The following KMT2C variants were observed in gnomAD, a reference collection of about 807,000 sequenced individuals.
The protein encoded by KMT2C is histone-lysine N-methyltransferase 2C.
In KMT2C, 88 loss-of-function variants were observed where a neutral mutation model predicts 507.9. That is an observed-to-expected ratio of 0.17 (90% CI 0.15 to 0.21). The LOEUF is 0.21. KMT2C is among the 10% of genes least tolerant of loss of function. The pLI, the probability that KMT2C is intolerant of heterozygous loss-of-function variation, is 1.00. For synonymous variants in KMT2C, 2,049 were observed against 2,080.8 expected (o/e 0.98, Z 0.42); for missense variants, 4,954 against 5,957.8 (o/e 0.83, Z 5.55).
At chr7:152,434,529 T>A (rs2097897529) in intron 1 of KMT2C, among the ~76,000 whole-genome samples, 1 of 152,176 alleles carries the variant, frequency 6.6e-6, no homozygotes, top group Non-Finnish European at 1.5e-5. Context: ...TCCATAAACG[T>A]GCTGGCTTCC....
At chr7:152,328,877 T>C (rs904988513) in intron 3 of KMT2C, among the ~76,000 whole-genome samples, 17 of 152,218 alleles carry the variant, frequency 1.1e-4, no homozygotes, top group East Asian at 7.7e-4. Context: ...GCATTATTTA[T>C]TGAAATGAGG....
intron 1 of KMT2C, among the ~76,000 whole-genome samples, chr7:152,425,034 G>C (rs935220289): frequency 2.0e-5 from 3 of 152,202 alleles, no homozygotes; most frequent in African/African-American, 7.2e-5. Context: ...GAGATACAAA[G>C]AGAGATGACT....
At chr7:152,315,473 G>A in intron 3 of KMT2C, 135 bp from the exon 4 acceptor site, 1 of 623,924 alleles carries the variant, frequency 1.6e-6, no homozygotes. Context: ...ATTTTCTACA[G>A]TCTATTCAGT....
Position 152,252,194 on chromosome 7 carries a change from G to A in KMT2C, c.1470-104C>T, listed in dbSNP as rs151219358. The A allele has an allele frequency of 4.6e-4, 377 of 812,266 alleles. 2 individuals are homozygous for A. In the African/African-American group the frequency reaches 5.8e-3, roughly 12 times the overall value. 50.3% of individuals were successfully genotyped at this position (812,266 alleles called of 1,614,324 possible). On this transcript the variant is annotated intron_variant, in intron 10 of 58. Transcript: ENST00000262189. ...GCTGGATATGAAAACAGTTAATTAAGTATGAGAGGAGAGAGGTTAGAGGAG... is the reference window on the plus strand; with the variant it reads ...GCTGGATATGAAAACAGTTAATTAAATATGAGAGGAGAGAGGTTAGAGGAG...
At chr7:152,232,441 T>C (rs1207097117) in intron 16 of KMT2C, among the ~76,000 whole-genome samples, 5 of 152,204 alleles carry the variant, frequency 3.3e-5, no homozygotes, top group African/African-American at 1.2e-4. Flanking sequence ...GGTATAGCAC[T>C]ATAATATAAA....
intron 58 of KMT2C, chr7:152,137,231 G>A: frequency 4.0e-6 from 1 of 252,594 alleles, no homozygotes; most frequent in Non-Finnish European, 7.7e-6. Context: ...GGACTGGAAG[G>A]GCAACTGCTT....
In KMT2C at chr7:152,222,580, C is replaced by T. The variant is rs199960676; in HGVS notation, c.3426G>A (p.Ala1142=). 409 of 1,557,750 alleles carry T rather than the reference C, an allele frequency of 2.6e-4. No individual in the cohort carries two copies. The highest frequency in any genetic ancestry group is 5.7e-4 in the Admixed American group (34 of 59,852). ...DCSMCRPYMP[A]SNVPSSDCCE... is the part of the protein sequence containing the mutation. Reference sequence around the variant, plus strand: ...TTTAAATTATTCTCTTACCATTAGACGCAGGCATATAGGGTCTGCACATGC... The same window carrying T: ...TTTAAATTATTCTCTTACCATTAGATGCAGGCATATAGGGTCTGCACATGC... Residue 1142 remains alanine (A), a synonymous_variant, in exon 21 of 59, where the codon GCG becomes GCA. Transcript: ENST00000262189.
intron 6 of KMT2C, among the ~76,000 whole-genome samples, chr7:152,308,669 C>G (rs1340248919): frequency 6.1e-5 from 6 of 99,076 alleles, no homozygotes; most frequent in African/African-American, 3.4e-4. Context: ...AGCAAAACTC[C>G]TCTCAAAAAA....
At chr7:152,396,641 T>C (rs1257037856) in intron 1 of KMT2C, among the ~76,000 whole-genome samples, 1 of 152,214 alleles carries the variant, frequency 6.6e-6, no homozygotes, top group Non-Finnish European at 1.5e-5. Flanking sequence ...CTGATTTTCA[T>C]TCTAGGAACA....
At chr7:152,424,944 TGCTC>T (rs1345280153) in intron 1 of KMT2C, among the ~76,000 whole-genome samples, 2 of 152,150 alleles carry the variant, frequency 1.3e-5, no homozygotes, top group East Asian at 3.9e-4. Context: ...CTGCCTGACA[TGCTC>T]AAGGCTTGTA....
Position 152,194,066 on chromosome 7 carries a change from G to A in KMT2C, c.4603C>T (p.Pro1535Ser), listed in dbSNP as rs780690446. Residue 1535 changes from proline (P) to serine (S), a missense_variant, in exon 31 of 59, where the codon CCA becomes TCA. Transcript: ENST00000262189. ...GGGGGAGGCTGTGGCAATGGAGTTGGCTGAGTGTTCGCAGGACTAAGTACA... is the reference window on the plus strand; with the variant it reads ...GGGGGAGGCTGTGGCAATGGAGTTGACTGAGTGTTCGCAGGACTAAGTACA... ...TAVLSPANTQ[P>S]TPLPQPPPPT... 1.3e-6 allele frequency: 2 copies of A among 1,593,784 alleles called. No individual in the cohort carries two copies. Among genetic ancestry groups the A allele is most frequent in the Non-Finnish European group, 1.7e-6 (2 of 1,173,472 alleles).
chr7:152,372,790 G>A lies in KMT2C; in HGVS notation c.162-14115C>T, dbSNP rs573874726. 1.8e-4 allele frequency among the ~76,000 whole-genome samples: 27 copies of A among 152,172 alleles called. 3 individuals carry two copies. Among genetic ancestry groups the A allele is most frequent in the African/African-American group, 4.3e-4 (18 of 41,510 alleles). The stretch of plus-strand genomic sequence containing the variant: ...TGGGGAACTTAAATACCCCACTTTC[G>A]ACAACGGATAAATAATCCAGACAAA... On this transcript the variant is annotated intron_variant, in intron 1 of 58. Coordinates refer to ENST00000262189, the MANE Select transcript of KMT2C (RefSeq NM_170606.3).
At chr7:152,307,345 GGAGGGAGGGAAGGAGAGAGGGAGA>G (rs1220384527) in intron 6 of KMT2C, among the ~76,000 whole-genome samples, 1 of 145,964 alleles carries the variant, frequency 6.9e-6, no homozygotes, top group South Asian at 2.3e-4. Context: ...AGGGAGGGAG[GGAGGGAGGGAAGGAGAGAGGGAGA>G]GAGGGAGGGA....
intron 36 of KMT2C, 30 bp downstream of exon 36, chr7:152,180,681 T>A (rs201832557): frequency 1.3e-6 from 2 of 1,500,198 alleles, no homozygotes; most frequent in South Asian, 2.5e-5. Context: ...AAATAATACA[T>A]TTAAAACTGA....
intron 31 of KMT2C, among the ~76,000 whole-genome samples, chr7:152,188,403 G>C (rs1231791734): frequency 2.0e-5 from 3 of 152,006 alleles, no homozygotes; most frequent in Admixed American, 2.0e-4. Flanking sequence ...GATAATGTAT[G>C]TACAGCTCTA....
rs539333505 is a variant in KMT2C, at chr7:152,165,179, A to G, written c.9751-1353T>C. On this transcript the variant is annotated intron_variant, in intron 42 of 58. Transcript: ENST00000262189. ...TAAGAAAGTACAGAAAGCACCTACA[A>G]CACTATGTGGGATATATAAGGTGGT... Among the ~76,000 whole-genome samples, 7 of 152,376 alleles carry G rather than the reference A, an allele frequency of 4.6e-5. No individual in the cohort carries two copies. The East Asian group carries it at 9.6e-4, about 21-fold the overall frequency.
chr7:152,284,833 G>A (rs2096270637), intron 6 of KMT2C, among the ~76,000 whole-genome samples: 1 of 152,140 alleles, frequency 6.6e-6, no homozygotes, highest in Non-Finnish European at 1.5e-5. Flanking sequence ...TTAATCATCA[G>A]GGAATGCAAA....
At chr7:152,216,604 A>G (rs1028469976) in intron 23 of KMT2C, among the ~76,000 whole-genome samples, 23 of 152,364 alleles carry the variant, frequency 1.5e-4, no homozygotes, top group Admixed American at 2.6e-4. Flanking sequence ...ACTGTCAGAT[A>G]TGCTATAATA....
Position 152,182,508 on chromosome 7 carries a change from T to TTGC in KMT2C, c.5349_5351dup (p.Gln1787dup), listed in dbSNP as rs749417254. 1.6e-5 allele frequency: 26 copies of TTGC among 1,613,776 alleles called. No individual in the cohort carries two copies. Among genetic ancestry groups the TTGC allele is most frequent in the East Asian group, 8.9e-5 (4 of 44,896 alleles). On this transcript the variant is annotated inframe_insertion, in exon 36 of 59. Transcript: ENST00000262189. ...GATGCTGAGAACCAAATTGCTGTTG[T>TTGC]TGCTGCTGCTGCTGCTCATTTTTCA...
Sources: allele counts gnomAD v4.1 joint callset (sites outside exome capture counted in the v4.1 genomes callset), GRCh38; gene constraint gnomAD v4.1.1; transcripts MANE v1.5; gene names NCBI Gene and HGNC (gene_info 2026-07-23, HGNC 2026-07-21).